CHST7: variants seen among roughly 807,000 people sequenced by gnomAD.
CHST7 encodes the protein carbohydrate sulfotransferase 7.
CHST7 carries 5 observed loss-of-function variants against 9.0 expected under a neutral mutation model. The observed-to-expected ratio is 0.56, with a 90% CI of 0.29 to 1.17. The LOEUF (loss-of-function observed/expected upper bound fraction) is 1.17, where lower values mean the gene tolerates loss of function less well. CHST7 is among the 50% of genes most tolerant of loss of function. The pLI is 0.08. For synonymous variants in CHST7, 244 were observed against 237.1 expected, an observed-to-expected ratio of 1.03 and a Z score of -0.27; for missense variants, 377 against 485.1, an observed-to-expected ratio of 0.78 and a Z score of 2.09.
intron 1 of CHST7, among the ~76,000 whole-genome samples, chrX:46,596,626 CAT>C (rs1646076997): frequency 9.1e-6 from 1 of 110,173 alleles, no homozygotes; most frequent in Non-Finnish European, 1.9e-5. Flanking sequence ...TTTCATGAAA[CAT>C]GTGTACTAGC....
At chrX:46,590,958 T>C (rs1357593330) in intron 1 of CHST7, among the ~76,000 whole-genome samples, 1 of 112,556 alleles carries the variant, frequency 8.9e-6, no homozygotes, top group Non-Finnish European at 1.9e-5. Context: ...CTTTTGAGAT[T>C]GGCATTTTTC....
At position 46,573,949 on chromosome X, in the gene CHST7, G is replaced by GCGA. The variant is rs1283251008; in HGVS notation, c.21_23dup (p.Arg9dup). On this transcript the variant is annotated inframe_insertion, in exon 1 of 2. Coordinates refer to ENST00000276055, the MANE Select transcript of CHST7 (RefSeq NM_019886.4). Reference sequence around the variant, plus strand: ...GGTGAACGATGAAGGGCCGGCGGCGGCGACGCCGAGAGTACTGCAAGTTCG... The same window carrying GCGA: ...GGTGAACGATGAAGGGCCGGCGGCGGCGACGACGCCGAGAGTACTGCAAGTTCG... The GCGA allele has an allele frequency of 5.2e-6, 6 of 1,153,795 alleles. No individual in the cohort carries two copies. Among genetic ancestry groups the GCGA allele is most frequent in the Non-Finnish European group, 6.9e-6 (6 of 872,348 alleles).
intron 1 of CHST7, among the ~76,000 whole-genome samples, chrX:46,595,332 A>G (rs1409958733): frequency 8.9e-6 from 1 of 112,002 alleles, no homozygotes; most frequent in Non-Finnish European, 1.9e-5. Context: ...CACTGGAAGA[A>G]TTATCTTATG....
chrX:46,575,645 G>C (rs1942495847), intron 1 of CHST7, among the ~76,000 whole-genome samples: 1 of 112,416 alleles, frequency 8.9e-6, no homozygotes, highest in Admixed American at 9.4e-5. Flanking sequence ...AGATGAGAGA[G>C]GATATTTAGG....
chrX:46,577,336 G>A (rs1415678691), intron 1 of CHST7, among the ~76,000 whole-genome samples: 1 of 110,195 alleles, frequency 9.1e-6, no homozygotes, highest in African/African-American at 3.3e-5. Flanking sequence ...GGGACATCTG[G>A]GAGCAAGCTT....
chrX:46,587,153 TC>T (rs1445305460), intron 1 of CHST7, among the ~76,000 whole-genome samples: 2 of 111,606 alleles, frequency 1.8e-5, no homozygotes, highest in Non-Finnish European at 3.8e-5. Flanking sequence ...ATTATCTTAT[TC>T]TATTCTAGAA....
At chrX:46,578,604 G>T (rs967157134) in intron 1 of CHST7, among the ~76,000 whole-genome samples, 7 of 109,676 alleles carry the variant, frequency 6.4e-5, no homozygotes, top group Non-Finnish European at 1.1e-4. Context: ...TTGGGGATGG[G>T]CGGGGAGTGG....
chrX:46,579,261 A>G (rs1942513975), intron 1 of CHST7, among the ~76,000 whole-genome samples: 1 of 112,405 alleles, frequency 8.9e-6, no homozygotes, highest in African/African-American at 3.2e-5. Context: ...AAATGTCCTC[A>G]ATTATACATG....
chrX:46,589,376 C>G (rs888067373), intron 1 of CHST7, among the ~76,000 whole-genome samples: 4 of 110,319 alleles, frequency 3.6e-5, no homozygotes, highest in African/African-American at 9.9e-5. Context: ...ATAGTGAAAC[C>G]CCGTCTCTGC....
intron 1 of CHST7, among the ~76,000 whole-genome samples, chrX:46,583,883 C>T (rs1355947801): frequency 1.8e-5 from 2 of 112,220 alleles, no homozygotes; most frequent in African/African-American, 6.5e-5. Flanking sequence ...CACGACAACC[C>T]CCACACCCTT....
In CHST7 at chrX:46,598,195, C is replaced by A. The variant is rs961147665; in HGVS notation, c.*467C>A. The A allele has an allele frequency of 8.9e-6, 1 of 112,219 alleles. No homozygotes were observed. Among genetic ancestry groups the A allele is most frequent in the Non-Finnish European group, 1.9e-5 (1 of 53,210 alleles). The allele number at this position is 112,219 out of a possible 1,213,427, so 9.2% of individuals were successfully genotyped here. On this transcript the variant is annotated 3_prime_UTR_variant, in exon 2 of 2. Coordinates refer to ENST00000276055, the MANE Select transcript of CHST7 (RefSeq NM_019886.4). ...ATAATATTATTAAATAATAATAGGT[C>A]TGGGCAGTATTGTTTTTAACCTGAC...
chrX:46,574,266 C>G lies in CHST7; in HGVS notation c.335C>G (p.Thr112Ser), dbSNP rs1439084000. 3.3e-6 allele frequency: 4 copies of G among 1,209,870 alleles called. No individual in the cohort carries two copies. The African/African-American group carries it at 5.2e-5, about 16-fold the overall frequency. The change falls in exon 1 of 2, where the codon ACC (threonine) becomes AGC (serine). Residue 112 changes from threonine to serine, a missense_variant. Physicochemically the swap from Thr to Ser is moderately conservative, Grantham distance 58. Transcript: ENST00000276055. ...QHIYVHATWR[T>S]GSSFLGELFN... ...ATCTACGTGCATGCCACCTGGCGCA[C>G]CGGCTCGTCCTTCCTGGGCGAACTC...
chrX:46,591,804 G>C lies in CHST7; in HGVS notation c.*32-5956G>C, dbSNP rs141495003. Among the ~76,000 whole-genome samples, 408 of 111,259 alleles carry C rather than the reference G, an allele frequency of 3.7e-3. 2 individuals are homozygous for C. The highest frequency in any genetic ancestry group is 0.012 in the African/African-American group (374 of 30,573). On this transcript the variant is annotated intron_variant, in intron 1 of 1. Coordinates refer to ENST00000276055, the MANE Select transcript of CHST7 (RefSeq NM_019886.4). ...CATGGTGGTTTGCTGCACCTATCAA[G>C]CCATCATCTAGGTTTTAAGCCCCGC...
At chrX:46,585,805 A>G (rs1354791782) in intron 1 of CHST7, among the ~76,000 whole-genome samples, 1 of 111,693 alleles carries the variant, frequency 9.0e-6, no homozygotes, top group Non-Finnish European at 1.9e-5. Flanking sequence ...GAGTGCAGTG[A>G]CGCGATATCG....
chrX:46,591,605 C>A (rs1942573308), intron 1 of CHST7, among the ~76,000 whole-genome samples: 1 of 111,000 alleles, frequency 9.0e-6, no homozygotes, highest in East Asian at 2.8e-4. Flanking sequence ...GAACTCCTAA[C>A]CTCAAGTGAT....
intron 1 of CHST7, among the ~76,000 whole-genome samples, chrX:46,585,142 A>G (rs766745528): frequency 9.0e-6 from 1 of 111,239 alleles, no homozygotes; most frequent in African/African-American, 3.3e-5. Flanking sequence ...CTCTTGCTAT[A>G]ATAAAGAATA....
chrX:46,573,998 C>G lies in CHST7; in HGVS notation c.67C>G (p.Leu23Val), dbSNP rs1425413866. 1 of 1,157,615 alleles carries G rather than the reference C, an allele frequency of 8.6e-7. No homozygotes were observed. Among genetic ancestry groups the G allele is most frequent in the Non-Finnish European group, 1.1e-6 (1 of 874,299 alleles). ...CGCGCTGCTGTTGGTGCTGTACACG[C>G]TGGTGCTGTTGCTCGTCCCCTCCGT... ...KFALLLVLYT[L>V]VLLLVPSVLD... Residue 23 changes from leucine to valine, a missense_variant, in exon 1 of 2, where the codon CTG becomes GTG. By Grantham distance (32) the Leu-to-Val change is conservative. Transcript: ENST00000276055.
intron 1 of CHST7, among the ~76,000 whole-genome samples, chrX:46,590,036 T>A (rs1208744769): frequency 8.9e-6 from 1 of 111,784 alleles, no homozygotes; most frequent in Non-Finnish European, 1.9e-5. Flanking sequence ...ATACAAAGAT[T>A]TTTTAATAAA....
chrX:46,582,521 G>A (rs1032356571), intron 1 of CHST7, among the ~76,000 whole-genome samples: 2 of 111,981 alleles, frequency 1.8e-5, no homozygotes, highest in African/African-American at 6.5e-5. Flanking sequence ...CTCTGATGAT[G>A]AATGATGGCC....
Sources: gnomAD v4.1 joint callset for allele counts (sites outside exome capture counted in the v4.1 genomes callset) on GRCh38, gnomAD v4.1.1 for gene constraint, MANE v1.5 for transcripts, NCBI Gene and HGNC (gene_info 2026-07-23, HGNC 2026-07-21) for gene names.